The following MAP4K1 variants were observed in gnomAD, a reference collection of about 807,000 sequenced individuals.
MAP4K1 encodes the protein MAPK/ERK kinase kinase kinase 1.
MAP4K1 carries 35 observed loss-of-function variants against 122.8 expected under a neutral mutation model. The ratio of observed to expected loss-of-function variants is 0.29; its 90% CI spans 0.22 to 0.38. The LOEUF (loss-of-function observed/expected upper bound fraction) is 0.38, where lower values mean the gene tolerates loss of function less well. Ranked by LOEUF, MAP4K1 falls within the 10% of genes least tolerant of loss-of-function variation. The pLI, the probability that MAP4K1 is intolerant of heterozygous loss-of-function variation, is 1.00. For missense variants in MAP4K1, 791 were observed against 1,072.6 expected (o/e 0.74, Z 3.67); for synonymous variants, 412 against 421.3 (o/e 0.98, Z 0.27).
At chr19:38,616,918 G>A (rs1043367292) in intron 3 of MAP4K1, among the ~76,000 whole-genome samples, 16 of 152,124 alleles carry the variant, frequency 1.1e-4, no homozygotes, top group African/African-American at 2.9e-4. Flanking sequence ...ATGGGAGGTC[G>A]GGTTATGGTG....
intron 19 of MAP4K1, among the ~76,000 whole-genome samples, chr19:38,602,691 T>C (rs1235339380): frequency 6.8e-6 from 1 of 147,894 alleles, no homozygotes; most frequent in African/African-American, 2.5e-5. Flanking sequence ...TATACATATA[T>C]ACACACATAT....
chr19:38,591,405 A>G (rs555576618), intron 30 of MAP4K1, among the ~76,000 whole-genome samples: 140 of 150,582 alleles, frequency 9.3e-4, no homozygotes, highest in Non-Finnish European at 1.7e-3. Context: ...GTGGTGTGCA[A>G]CTGTAGTCCC....
chr19:38,607,784 AG>A, intron 16 of MAP4K1, 79 bp downstream of exon 16: 1 of 1,483,246 alleles, frequency 6.7e-7, no homozygotes, highest in Non-Finnish European at 9.2e-7. Flanking sequence ...TCAGGAGTGG[AG>A]GAAAGGCCAC....
At chr19:38,588,185 A>G (rs1974586013) in intron 30 of MAP4K1, among the ~76,000 whole-genome samples, 1 of 152,070 alleles carries the variant, frequency 6.6e-6, no homozygotes, top group African/African-American at 2.4e-5. Flanking sequence ...GAGGTGGGAG[A>G]AAGGCTGGGA....
Position 38,597,679 on chromosome 19 carries a change from C to T in MAP4K1, c.1670-85G>A, listed in dbSNP as rs1218628135. On this transcript the variant is annotated intron_variant, in intron 22 of 30. Coordinates refer to ENST00000396857, the MANE Select transcript of MAP4K1 (RefSeq NM_001042600.3). This position sits in a 1 kb window ranked among gnomAD's most constrained non-coding sequence, Gnocchi z 4.6. ...CTTTCCTCCATCCCTTCCCTCAGCC[C>T]CATCCCTTTGTCTGAAACTCCCAAG... 1.1e-6 allele frequency: 1 copy of T among 876,510 alleles called. No homozygotes were observed. The highest frequency in any genetic ancestry group is 2.8e-5 in the Admixed American group (1 of 35,416). The allele number at this position is 876,510 out of a possible 1,614,324, so 54.3% of individuals were successfully genotyped here. A position where few individuals can be genotyped will look rare whatever the true frequency, so the allele number is the denominator to read the frequency against.
chr19:38,595,816 A>G (rs1305264084), intron 27 of MAP4K1, 87 bp from the exon 28 acceptor site: 3 of 1,491,218 alleles, frequency 2.0e-6, no homozygotes, highest in Non-Finnish European at 2.8e-6. Flanking sequence ...TGTGAAAGCT[A>G]TGTAGGACAG....
At position 38,597,034 on chromosome 19, in the gene MAP4K1, C is replaced by G. The variant is rs1283696934; in HGVS notation, c.1941G>C (p.Arg647=). 32 of 1,613,886 alleles carry G rather than the reference C, an allele frequency of 2.0e-5. No individual in the cohort carries two copies. Among genetic ancestry groups the G allele is most frequent in the Non-Finnish European group, 2.5e-5 (29 of 1,179,944 alleles). The change falls in exon 25 of 31, where the codon CGG becomes CGC. Residue 647 remains arginine (R), a splice_region_variant and synonymous_variant. Coordinates refer to ENST00000396857, the MANE Select transcript of MAP4K1 (RefSeq NM_001042600.3). This position sits in a 1 kb window ranked among gnomAD's most constrained non-coding sequence, Gnocchi z 4.6. ...CCCAGCACCCTCCCAAGCCCCTTAC[C>G]CGGACAAGCAGGAATTTGTTCATGG... is the stretch of plus-strand genomic sequence containing the variant. The part of the protein sequence containing the change: ...YQPMNKFLLV[R]QVLFPLPTPL...
intron 29 of MAP4K1, among the ~76,000 whole-genome samples, chr19:38,595,110 G>A (rs1206518643): frequency 1.3e-5 from 2 of 151,618 alleles, no homozygotes; most frequent in African/African-American, 4.8e-5. Flanking sequence ...TGAACATGGT[G>A]AAACCCCGTC....
At chr19:38,616,306 T>C (rs1252400752) in intron 3 of MAP4K1, 47 bp from the exon 4 acceptor site, 1 of 1,491,160 alleles carries the variant, frequency 6.7e-7, no homozygotes, top group East Asian at 2.3e-5. Flanking sequence ...AAATACATTA[T>C]TATTTGCAGG....
chr19:38,606,848 C>T (rs543173914), intron 16 of MAP4K1, among the ~76,000 whole-genome samples: 4 of 152,328 alleles, frequency 2.6e-5, no homozygotes, highest in South Asian at 2.1e-4. Flanking sequence ...CCTGTGCTGG[C>T]GCCACACACA....
chr19:38,596,023 A>G, intron 26 of MAP4K1, 22 bp from the exon 27 acceptor site: 4 of 1,611,090 alleles, frequency 2.5e-6, no homozygotes, highest in Non-Finnish European at 3.4e-6. Context: ...GAGTGGGTTA[A>G]GGATTGACCC....
At chr19:38,606,863 G>A (rs114851410) in intron 16 of MAP4K1, among the ~76,000 whole-genome samples, 3,232 of 152,322 alleles carry the variant, frequency 0.021, 96 homozygotes, top group African/African-American at 0.072. Flanking sequence ...CACACAGGCT[G>A]TCGCACGTGA....
intron 30 of MAP4K1, among the ~76,000 whole-genome samples, chr19:38,592,248 T>C (rs1340681360): frequency 6.6e-6 from 1 of 152,064 alleles, no homozygotes; most frequent in Non-Finnish European, 1.5e-5. Flanking sequence ...CACTTCAGCC[T>C]GCGCAACAGA....
intron 4 of MAP4K1, 99 bp downstream of exon 4, chr19:38,616,096 T>C: frequency 1.2e-6 from 1 of 824,616 alleles, no homozygotes; most frequent in Non-Finnish European, 1.9e-6. Flanking sequence ...AGACAGTTCC[T>C]GTGAGATACA....
At chr19:38,611,486 AT>A (rs1975497050) in intron 9 of MAP4K1, among the ~76,000 whole-genome samples, 181 bp from the exon 10 acceptor site, 3 of 152,196 alleles carry the variant, frequency 2.0e-5, no homozygotes, top group Non-Finnish European at 4.4e-5. Context: ...TTATGAAGTG[AT>A]AGAGCTATGG....
intron 4 of MAP4K1, among the ~76,000 whole-genome samples, 170 bp downstream of exon 4, chr19:38,616,025 A>C (rs1167497938): frequency 6.6e-6 from 1 of 151,426 alleles, no homozygotes; most frequent in Non-Finnish European, 1.5e-5. Flanking sequence ...TAGTTTCAGC[A>C]CTTCGACAGC....
rs201568675 is a variant in MAP4K1, at chr19:38,607,872, G to A, written c.1149C>T (p.Asp383=). The A allele has an allele frequency of 1.7e-4, 267 of 1,611,530 alleles. No individual in the cohort carries two copies. In the African/African-American group the frequency reaches 3.1e-3, roughly 19 times the overall value. Residue 383 remains aspartate, a synonymous_variant, in exon 16 of 31, where the codon GAC becomes GAT. Coordinates refer to ENST00000396857, the MANE Select transcript of MAP4K1 (RefSeq NM_001042600.3). ...GGCAGGGCCTCACTTACATGTCCAC[G>A]TCGTCATAGTCATCGTCAGACGACT... ...LSESSDDDYD[D]VDIPTPAEDT...
At chr19:38,616,973 C>T (rs1433617336) in intron 3 of MAP4K1, among the ~76,000 whole-genome samples, 3 of 151,972 alleles carry the variant, frequency 2.0e-5, no homozygotes, top group Non-Finnish European at 2.9e-5. Flanking sequence ...CAAGACCAGG[C>T]GCGGTGGATC....
intron 9 of MAP4K1, 109 bp downstream of exon 9, chr19:38,612,502 T>C (rs771470860): frequency 6.2e-6 from 6 of 967,820 alleles, no homozygotes; most frequent in Non-Finnish European, 8.6e-6. Context: ...TAGGCTCAAG[T>C]GGTGATCCCT....
Sources: allele counts gnomAD v4.1 joint callset (sites outside exome capture counted in the v4.1 genomes callset), GRCh38; gene constraint gnomAD v4.1.1; non-coding constraint Gnocchi (gnomAD v3.1); transcripts MANE v1.5; gene names NCBI Gene and HGNC (gene_info 2026-07-23, HGNC 2026-07-21).